PKHD1: variants seen among roughly 807,000 people sequenced by gnomAD.
PKHD1 encodes the protein fibrocystin.
In PKHD1, 291 loss-of-function variants were observed where a neutral mutation model predicts 412.0. The ratio of observed to expected loss-of-function variants is 0.71; its 90% CI spans 0.64 to 0.78. PKHD1 has a LOEUF of 0.78. Ranked by LOEUF, PKHD1 falls within the 30% of genes least tolerant of loss-of-function variation. PKHD1 has a pLI of 0.00. For missense variants in PKHD1, 4,825 were observed against 4,950.7 expected (o/e 0.97, Z 0.76); for synonymous variants, 1,777 against 1,821.5 (o/e 0.98, Z 0.62).
chr6:52,081,622 T>TA (rs1271529807), intron 4 of PKHD1, among the ~76,000 whole-genome samples: 4 of 152,092 alleles, frequency 2.6e-5, no homozygotes, highest in Admixed American at 1.3e-4. Flanking sequence ...TACACACACA[T>TA]ACACCCTGTG....
In PKHD1 at chr6:52,085,513, T is replaced by C. The variant is rs575964064; in HGVS notation, c.-84-496A>G. 3.9e-5 allele frequency among the ~76,000 whole-genome samples: 6 copies of C among 152,072 alleles called. No homozygotes were observed. The South Asian group carries it at 1.2e-3, about 32-fold the overall frequency. On this transcript the variant is annotated intron_variant, in intron 1 of 66. Coordinates refer to ENST00000371117, the MANE Select transcript of PKHD1 (RefSeq NM_138694.4). The stretch of plus-strand genomic sequence containing the variant: ...TCCTGGATGCCCTCAACTCTCTCCG[T>C]GGCCTCAGGAGATCCTGGCGCACCT...
chr6:51,990,152 G>A (rs1202454342), intron 35 of PKHD1, among the ~76,000 whole-genome samples: 1 of 151,168 alleles, frequency 6.6e-6, no homozygotes, highest in African/African-American at 2.4e-5. Flanking sequence ...CACCCCTCCA[G>A]GCTATTGCCC....
chr6:52,012,005 C>G (rs528987581), intron 34 of PKHD1, among the ~76,000 whole-genome samples: 1 of 152,302 alleles, frequency 6.6e-6, no homozygotes, highest in African/African-American at 2.4e-5. Flanking sequence ...AGAGCTGCAG[C>G]TTTCTGAGGA....
intron 36 of PKHD1, among the ~76,000 whole-genome samples, chr6:51,939,747 C>T (rs1788170966): frequency 6.6e-6 from 1 of 151,408 alleles, no homozygotes. Context: ...TCTCTCAGTC[C>T]CAACCCCAAG....
At chr6:51,754,177 G>T (rs1223714588) in intron 56 of PKHD1, among the ~76,000 whole-genome samples, 2 of 152,036 alleles carry the variant, frequency 1.3e-5, no homozygotes. Context: ...GAATCAGGAA[G>T]GTTATTGTGA....
intron 35 of PKHD1, among the ~76,000 whole-genome samples, chr6:51,988,875 G>A (rs1002816881): frequency 3.9e-5 from 6 of 152,204 alleles, no homozygotes; most frequent in African/African-American, 1.4e-4. Context: ...ACCTTTGACA[G>A]AGGAAGAGAT....
chr6:51,796,816 G>A, intron 52 of PKHD1, among the ~76,000 whole-genome samples: 1 of 98,978 alleles, frequency 1.0e-5, no homozygotes, highest in Non-Finnish European at 2.2e-5. Flanking sequence ...GTTTTGAATA[G>A]ATTTTTTTTT....
At chr6:51,870,883 A>C (rs568411733) in intron 46 of PKHD1, among the ~76,000 whole-genome samples, 25 of 152,066 alleles carry the variant, frequency 1.6e-4, no homozygotes, top group African/African-American at 5.8e-4. Flanking sequence ...TCAAAAGATA[A>C]CCCAGAAAAG....
intron 60 of PKHD1, among the ~76,000 whole-genome samples, chr6:51,661,461 A>C (rs1436307232): frequency 1.3e-5 from 2 of 152,072 alleles, no homozygotes; most frequent in South Asian, 4.1e-4. Flanking sequence ...GGTGTGTCTG[A>C]CCAGATTGTG....
At chr6:51,777,084 C>G (rs557145303) in intron 53 of PKHD1, among the ~76,000 whole-genome samples, 1 of 152,000 alleles carries the variant, frequency 6.6e-6, no homozygotes. Flanking sequence ...TAAAAACCAC[C>G]GGCTATCAAA....
At chr6:52,065,184 G>GAGAGAGAGAGAGAGAGAC (rs1554220742) in intron 12 of PKHD1, 134 bp from the exon 13 acceptor site, 48 of 119,368 alleles carry the variant, frequency 4.0e-4, no homozygotes, top group African/African-American at 1.7e-3. Context: ...GAGAGAGAGA[G>GAGAGAGAGAGAGAGAGAC]AGAGAGAGAG....
In PKHD1 at chr6:52,025,071, G is replaced by T. The variant is rs1188538076; in HGVS notation, c.4739C>A (p.Pro1580His). Reference protein sequence around the residue: ...YIMPQVFHYFPKNFSLHGGSL... With the variant: ...YIMPQVFHYFHKNFSLHGGSL... The stretch of plus-strand genomic sequence containing the variant: ...TCCACCATGTAAGCTGAAATTCTTA[G>T]GAAAATAATGAAACACTTGGGGCAT... The change falls in exon 32 of 67, where the codon CCT (proline) becomes CAT (histidine). Residue 1580 changes from proline (P) to histidine (H), a missense_variant. Transcript: ENST00000371117. The T allele has an allele frequency of 6.2e-7, 1 of 1,614,142 alleles. No individual in the cohort carries two copies. Among genetic ancestry groups the T allele is most frequent in the Non-Finnish European group, 8.5e-7 (1 of 1,180,036 alleles).
chr6:51,631,927 C>CT lies in PKHD1; in HGVS notation c.11665+637dup, dbSNP rs1277193806. Among the ~76,000 whole-genome samples the CT allele has an allele frequency of 5.3e-3, 727 of 137,608 alleles. 9 individuals are homozygous for CT. The highest frequency in any genetic ancestry group is 0.017 in the African/African-American group (628 of 36,510). 90.3% of individuals were successfully genotyped at this position (137,608 alleles called of 152,430 possible). On this transcript the variant is annotated intron_variant, in intron 65 of 66. Coordinates refer to ENST00000371117, the MANE Select transcript of PKHD1 (RefSeq NM_138694.4). ...GGAGAGGATGACATTTCCCCGGATTCTTTTTTTTTTTCTTTTTTTTTTTTT... is the reference window on the plus strand; with the variant it reads ...GGAGAGGATGACATTTCCCCGGATTCTTTTTTTTTTTTCTTTTTTTTTTTTT...
At chr6:51,933,852 G>C (rs1458866251) in intron 37 of PKHD1, among the ~76,000 whole-genome samples, 3 of 152,210 alleles carry the variant, frequency 2.0e-5, no homozygotes, top group Non-Finnish European at 4.4e-5. Context: ...CACCCACAAG[G>C]AGGCACTGAA....
Position 52,050,315 on chromosome 6 carries a change from T to C in PKHD1, c.2141-20A>G. 3 of 1,613,840 alleles carry C rather than the reference T, an allele frequency of 1.9e-6. No homozygotes were observed. Among genetic ancestry groups the C allele is most frequent in the Non-Finnish European group, 2.5e-6 (3 of 1,179,730 alleles). On this transcript the variant is annotated intron_variant, in intron 21 of 66. Transcript: ENST00000371117. ...GAGAAACTAGAGACCAGTGATCCAA[T>C]TACTATCAAGTGACTTAAGATGGTA...
At chr6:52,024,486 T>G in intron 32 of PKHD1, 88 bp downstream of exon 32, 2 of 1,227,592 alleles carry the variant, frequency 1.6e-6, no homozygotes, top group Non-Finnish European at 2.4e-6. Context: ...ATCAGGCAGA[T>G]TGTGTTAATT....
chr6:51,617,026 A>G lies in PKHD1; in HGVS notation c.*2055T>C, dbSNP rs1766127181. ...GTAACTATAGGATAACCTACTGGAT[A>G]TTCTCACTAGGCAGCTAAATGCATG... is the stretch of plus-strand genomic sequence containing the variant. On this transcript the variant is annotated 3_prime_UTR_variant, in exon 67 of 67. Coordinates refer to ENST00000371117, the MANE Select transcript of PKHD1 (RefSeq NM_138694.4). 4.4e-6 allele frequency: 1 copy of G among 229,648 alleles called. No homozygotes were observed. The highest frequency in any genetic ancestry group is 1.8e-4 in the South Asian group (1 of 5,560). The allele number at this position is 229,648 out of a possible 1,614,324, so 14.2% of individuals were successfully genotyped here.
chr6:51,874,645 C>A (rs1311986089), intron 46 of PKHD1, among the ~76,000 whole-genome samples: 1 of 152,122 alleles, frequency 6.6e-6, no homozygotes, highest in African/African-American at 2.4e-5. Flanking sequence ...GTCTTAATTC[C>A]TGGCCAGGCG....
At chr6:51,637,694 A>G (rs548313671) in intron 64 of PKHD1, among the ~76,000 whole-genome samples, 9 of 152,234 alleles carry the variant, frequency 5.9e-5, no homozygotes, top group South Asian at 4.2e-4. Flanking sequence ...TCACGAGGTC[A>G]GAAATTCGAG....
Sources: allele counts gnomAD v4.1 joint callset (sites outside exome capture counted in the v4.1 genomes callset), GRCh38; gene constraint gnomAD v4.1.1; transcripts MANE v1.5; gene names NCBI Gene and HGNC (gene_info 2026-07-23, HGNC 2026-07-21).